Variants in SIPA1L2 observed in about 807,000 individuals in gnomAD.
SIPA1L2 encodes the protein signal induced proliferation associated 1 like 2.
In SIPA1L2, 56 loss-of-function variants were observed where a neutral mutation model predicts 163.9. The ratio of observed to expected loss-of-function variants is 0.34; its 90% confidence interval spans 0.28 to 0.43. The LOEUF is 0.43. Among genes scored for constraint, SIPA1L2 ranks in the 20% least tolerant of loss-of-function variants. SIPA1L2 has a pLI of 1.00. For synonymous variants in SIPA1L2, 877 were observed against 865.7 expected, an observed-to-expected ratio of 1.01 and a Z score of -0.23; for missense variants, 1,974 against 2,193.5, an observed-to-expected ratio of 0.90 and a Z score of 2.00.
At chr1:232,503,770 T>A (rs1363374345) in intron 3 of SIPA1L2, among the ~76,000 whole-genome samples, 1 of 152,266 alleles carries the variant, frequency 6.6e-6, no homozygotes, top group Non-Finnish European at 1.5e-5. Flanking sequence ...TAAATGCTCT[T>A]TCAATTCCTA....
intron 1 of SIPA1L2, among the ~76,000 whole-genome samples, chr1:232,596,532 G>C (rs755116389): frequency 3.3e-5 from 5 of 152,146 alleles, no homozygotes; most frequent in Non-Finnish European, 7.4e-5. Context: ...AAGACATTTA[G>C]AATTGCTTAC....
Position 232,465,338 on chromosome 1 carries a change from G to A in SIPA1L2, c.2322C>T (p.Ala774=), listed in dbSNP as rs546831552. The change falls in exon 9 of 23, where the codon GCC becomes GCT. Residue 774 remains alanine (A), a synonymous_variant. Transcript: ENST00000674635. This position sits in a 1 kb window ranked among gnomAD's most constrained non-coding sequence, Gnocchi z 4.1. The part of the protein sequence containing the change: ...IPKGVTFPKS[A]VFRDFLLAKV... The stretch of plus-strand genomic sequence containing the variant: ...TGGCTAAAAGGAAGTCCCGGAACAC[G>A]GCTGACTTTGGAAAAGTTACACCTT... The A allele has an allele frequency of 2.8e-5, 46 of 1,614,110 alleles. No homozygotes were observed. In the Middle Eastern group the frequency reaches 2.1e-3, roughly 75 times the overall value.
chr1:232,525,908 C>T (rs986551646), intron 2 of SIPA1L2, among the ~76,000 whole-genome samples: 3 of 152,154 alleles, frequency 2.0e-5, no homozygotes, highest in Non-Finnish European at 4.4e-5. Flanking sequence ...CGATTTACTC[C>T]CGTGCATATG....
At chr1:232,595,838 A>C (rs1661230426) in intron 1 of SIPA1L2, among the ~76,000 whole-genome samples, 1 of 152,184 alleles carries the variant, frequency 6.6e-6, no homozygotes, top group Non-Finnish European at 1.5e-5. Context: ...AATAAAACCT[A>C]TTTTCATTAG....
chr1:232,408,666 G>A (rs1279922152), intron 19 of SIPA1L2, among the ~76,000 whole-genome samples: 2 of 152,042 alleles, frequency 1.3e-5, no homozygotes, highest in East Asian at 1.9e-4. Flanking sequence ...TTGTGCATTT[G>A]TCTTTTGTGA....
chr1:232,557,068 A>G (rs534995990), intron 2 of SIPA1L2, among the ~76,000 whole-genome samples: 136 of 152,282 alleles, frequency 8.9e-4, no homozygotes, highest in African/African-American at 3.0e-3. Context: ...AAACTCATGA[A>G]GGCAGCTCAA....
chr1:232,505,776 C>T (rs942358581), intron 3 of SIPA1L2, among the ~76,000 whole-genome samples: 1 of 152,126 alleles, frequency 6.6e-6, no homozygotes, highest in African/African-American at 2.4e-5. Context: ...TTTGGGGAGG[C>T]AATACTGGCC....
chr1:232,586,615 T>C (rs1316008374), intron 1 of SIPA1L2, among the ~76,000 whole-genome samples: 1 of 152,240 alleles, frequency 6.6e-6, no homozygotes, highest in Non-Finnish European at 1.5e-5. Context: ...TTTCTTTTAA[T>C]GAAGAATTTT....
At chr1:232,430,763 C>T (rs374080682) in intron 16 of SIPA1L2, among the ~76,000 whole-genome samples, 18 of 152,232 alleles carry the variant, frequency 1.2e-4, no homozygotes, top group Middle Eastern at 3.4e-3. Context: ...CAAATCCTCC[C>T]GATAAAATGC....
intron 7 of SIPA1L2, among the ~76,000 whole-genome samples, chr1:232,473,057 A>G (rs1239793634): frequency 2.0e-5 from 3 of 152,232 alleles, no homozygotes; most frequent in Admixed American, 1.3e-4. Flanking sequence ...ATACAGACCC[A>G]ATGAGCCACC....
chr1:232,471,439 C>T lies in SIPA1L2; in HGVS notation c.2175G>A (p.Arg725=), dbSNP rs1296653010. 6.2e-7 allele frequency: 1 copy of T among 1,614,056 alleles called. No individual in the cohort carries two copies. The highest frequency in any genetic ancestry group is 1.7e-5 in the Admixed American group (1 of 60,012). Residue 725 remains arginine, a synonymous_variant, in exon 8 of 23, where the codon CGG becomes CGA. Transcript: ENST00000674635. ...GALPFTPKSI[R]SHFQHVFVIV... is the part of the protein sequence containing the mutation. ...TGACAAAGACATGCTGAAAGTGAGA[C>T]CGGATGCTTTTTGGAGTAAAAGGAA...
chr1:232,543,166 C>T (rs375714427), intron 2 of SIPA1L2, among the ~76,000 whole-genome samples: 28 of 152,206 alleles, frequency 1.8e-4, no homozygotes, highest in East Asian at 1.2e-3. Context: ...AATGAAGAGA[C>T]GCACAGAGCA....
At chr1:232,617,607 C>T (rs1307041962) in intron 1 of SIPA1L2, among the ~76,000 whole-genome samples, 1 of 151,938 alleles carries the variant, frequency 6.6e-6, no homozygotes, top group African/African-American at 2.4e-5. Flanking sequence ...ATTTACATCA[C>T]ATGCAAGAAC....
In SIPA1L2 at chr1:232,415,679, C is replaced by T. The variant is rs79234695; in HGVS notation, c.4631-54G>A. Reference sequence around the variant, plus strand: ...TCATCAGTCACAGCACGGGCACCAGCCCAGAGTGAGTCAGAACATGGGCAC... The same window carrying T: ...TCATCAGTCACAGCACGGGCACCAGTCCAGAGTGAGTCAGAACATGGGCAC... On this transcript the variant is annotated intron_variant, in intron 18 of 22. Coordinates refer to ENST00000674635, the MANE Select transcript of SIPA1L2 (RefSeq NM_020808.5). 8,719 of 1,608,582 alleles carry T rather than the reference C, an allele frequency of 5.4e-3. 487 individuals are homozygous for T. The East Asian group carries it at 0.14, about 26-fold the overall frequency.
At chr1:232,548,863 G>T (rs969230372) in intron 2 of SIPA1L2, among the ~76,000 whole-genome samples, 1 of 152,222 alleles carries the variant, frequency 6.6e-6, no homozygotes, top group Non-Finnish European at 1.5e-5. Flanking sequence ...AGAGCGAGCA[G>T]GATCCGTGCA....
At chr1:232,594,404 G>C (rs1661134202) in intron 1 of SIPA1L2, among the ~76,000 whole-genome samples, 1 of 152,110 alleles carries the variant, frequency 6.6e-6, no homozygotes, top group Admixed American at 6.5e-5. Flanking sequence ...TGTCAAAGAT[G>C]AGCACACAGG....
chr1:232,613,295 C>A (rs1345419496), intron 1 of SIPA1L2, among the ~76,000 whole-genome samples: 1 of 152,188 alleles, frequency 6.6e-6, no homozygotes, highest in Non-Finnish European at 1.5e-5. Flanking sequence ...TTTCAATGGA[C>A]TTCACAATGT....
At chr1:232,507,505 G>A (rs912612786) in intron 3 of SIPA1L2, among the ~76,000 whole-genome samples, 3 of 152,202 alleles carry the variant, frequency 2.0e-5, no homozygotes, top group Non-Finnish European at 4.4e-5. Context: ...CCACATCCAA[G>A]TAGGAAGGTG....
chr1:232,534,270 C>T (rs752730868), intron 2 of SIPA1L2, among the ~76,000 whole-genome samples: 12 of 152,096 alleles, frequency 7.9e-5, no homozygotes, highest in Admixed American at 3.3e-4. Context: ...AGCAAGGGTG[C>T]CAAACCATTC....
Sources: gnomAD v4.1 joint callset for allele counts (sites outside exome capture counted in the v4.1 genomes callset) on GRCh38, gnomAD v4.1.1 for gene constraint, Gnocchi (gnomAD v3.1) non-coding constraint, MANE v1.5 for transcripts, NCBI Gene and HGNC (gene_info 2026-07-23, HGNC 2026-07-21) for gene names.